Variants in WASF3 observed in about 807,000 individuals in gnomAD.
WASF3 encodes the protein actin-binding protein WASF3.
WASF3 carries 11 observed loss-of-function variants against 46.6 expected under a neutral mutation model. The ratio of observed to expected loss-of-function variants is 0.24; its 90% CI spans 0.15 to 0.39. WASF3 has a LOEUF of 0.39. Ranked by LOEUF, WASF3 falls within the 10% of genes least tolerant of loss-of-function variation. The probability of loss-of-function intolerance (pLI) is 1.00; values close to 1 mark genes in which losing one functional copy is unlikely to be tolerated. For missense variants in WASF3, 576 were observed against 669.8 expected, an observed-to-expected ratio of 0.86 and a Z score of 1.55; for synonymous variants, 242 against 259.7, an observed-to-expected ratio of 0.93 and a Z score of 0.65.
intron 2 of WASF3, among the ~76,000 whole-genome samples, chr13:26,627,000 A>C (rs1488605852): frequency 6.6e-6 from 1 of 151,024 alleles, no homozygotes; most frequent in African/African-American, 2.5e-5. Context: ...TAAATGCTGA[A>C]TAGAGTATAA....
At chr13:26,655,807 AC>A (rs1180882556) in intron 3 of WASF3, among the ~76,000 whole-genome samples, 2 of 151,950 alleles carry the variant, frequency 1.3e-5, no homozygotes, top group Non-Finnish European at 2.9e-5. Context: ...ACGTTTTTCC[AC>A]ATTTGGCTGG....
chr13:26,576,628 T>G (rs1301014411), intron 1 of WASF3, among the ~76,000 whole-genome samples: 1 of 152,200 alleles, frequency 6.6e-6, no homozygotes, highest in Non-Finnish European at 1.5e-5. Flanking sequence ...TCAAAAAAGG[T>G]CTAAGTCAGT....
intron 1 of WASF3, among the ~76,000 whole-genome samples, chr13:26,606,321 C>CGTGTGTGTGTGTGT (rs60865367): frequency 1.1e-4 from 14 of 132,054 alleles, no homozygotes; most frequent in South Asian, 8.1e-4. Context: ...TCTTTTTTTT[C>CGTGTGTGTGTGTGT]GTGTGTGTGT....
intron 6 of WASF3, among the ~76,000 whole-genome samples, chr13:26,675,933 C>T (rs796342863): frequency 2.2e-4 from 34 of 152,238 alleles, no homozygotes; most frequent in African/African-American, 7.5e-4. Context: ...TAACTTCTCA[C>T]GTTTCAAGAA....
chr13:26,552,227 G>A, the WASF3 span, among the ~76,000 whole-genome samples: 1 of 152,138 alleles, frequency 6.6e-6, no homozygotes, highest in African/African-American at 2.4e-5. Context: ...TATAAAATGG[G>A]CAACAGACCA....
intron 5 of WASF3, among the ~76,000 whole-genome samples, chr13:26,669,206 C>CTTTTTTTTTTTTTTTTTTTTTTTTTT (rs71080286): frequency 4.6e-5 from 3 of 65,320 alleles, no homozygotes; most frequent in Non-Finnish European, 5.7e-5. Context: ...ATATCTTTGA[C>CTTTTTTTTTTTTTTTTTTTTTTTTTT]TTTTTTTTTT....
Position 26,687,767 on chromosome 13 carries a change from G to A in WASF3, c.*1922G>A, listed in dbSNP as rs931296596. On this transcript the variant is annotated 3_prime_UTR_variant, in exon 10 of 10. Transcript: ENST00000335327. ...TTGTTAAAAAGGGCCTACTACATTGGCGCTATTCTTAGGACTTCTGCAACT... is the reference window on the plus strand; with the variant it reads ...TTGTTAAAAAGGGCCTACTACATTGACGCTATTCTTAGGACTTCTGCAACT... 6.8e-6 allele frequency: 1 copy of A among 147,498 alleles called. No homozygotes were observed. Among genetic ancestry groups the A allele is most frequent in the African/African-American group, 2.5e-5 (1 of 40,016 alleles). The allele number at this position is 147,498 out of a possible 1,614,324, so 9.1% of individuals were successfully genotyped here. A position where few individuals can be genotyped will look rare whatever the true frequency, so the allele number is the denominator to read the frequency against.
chr13:26,586,823 A>C (rs555986408), intron 1 of WASF3, among the ~76,000 whole-genome samples: 1 of 152,296 alleles, frequency 6.6e-6, no homozygotes, highest in East Asian at 1.9e-4. Context: ...AGGTGCTTTT[A>C]AGAGAGTTAT....
chr13:26,680,626 T>C (rs1297972954), intron 7 of WASF3, among the ~76,000 whole-genome samples: 2 of 152,260 alleles, frequency 1.3e-5, no homozygotes, highest in South Asian at 4.1e-4. Flanking sequence ...ACTGTTAATA[T>C]TTATCCAGTT....
intron 1 of WASF3, among the ~76,000 whole-genome samples, chr13:26,562,105 A>G (rs191450907): frequency 1.3e-5 from 2 of 152,296 alleles, no homozygotes; most frequent in Non-Finnish European, 2.9e-5. Flanking sequence ...TGAACAGAGA[A>G]AGTTTTGGAA....
At chr13:26,551,351 G>T in the WASF3 span, among the ~76,000 whole-genome samples, 1 of 152,136 alleles carries the variant, frequency 6.6e-6, no homozygotes, top group Non-Finnish European at 1.5e-5. Context: ...CCTGTTCTCC[G>T]CATGCTCACC....
At chr13:26,667,021 A>G (rs2137470622) in intron 4 of WASF3, among the ~76,000 whole-genome samples, 1 of 152,326 alleles carries the variant, frequency 6.6e-6, no homozygotes, top group South Asian at 2.1e-4. Flanking sequence ...GGGACTAGAT[A>G]CATGTTGAAA....
intron 3 of WASF3, among the ~76,000 whole-genome samples, chr13:26,659,625 G>A (rs976356130): frequency 5.9e-5 from 9 of 152,124 alleles, no homozygotes; most frequent in Non-Finnish European, 8.8e-5. Context: ...TAGGGAGGTC[G>A]AGGTGAGTGG....
chr13:26,540,739 G>C, the WASF3 span, among the ~76,000 whole-genome samples: 1 of 152,118 alleles, frequency 6.6e-6, no homozygotes, highest in African/African-American at 2.4e-5. Flanking sequence ...TTTCTTCCTT[G>C]GTTCAGACCC....
chr13:26,675,171 C>T (rs1469891733), intron 6 of WASF3, among the ~76,000 whole-genome samples: 1 of 152,094 alleles, frequency 6.6e-6, no homozygotes, highest in Non-Finnish European at 1.5e-5. Flanking sequence ...GAGATCTTCT[C>T]CAATGCCTTC....
intron 1 of WASF3, among the ~76,000 whole-genome samples, chr13:26,590,091 C>T (rs1880245098): frequency 1.3e-5 from 2 of 152,156 alleles, no homozygotes; most frequent in African/African-American, 4.8e-5. Context: ...AACAGTATTT[C>T]TCATTAATAT....
In WASF3 at chr13:26,666,866, C is replaced by CAAAAA. The variant is rs1168774717; in HGVS notation, c.269-631_269-627dup. On this transcript the variant is annotated intron_variant, in intron 4 of 9. Transcript: ENST00000335327. ...CCTGGGTTACAGAGCAAGACTGTCTCAAAAAAAAAAAAAAAAAAAAAAAAG... is the reference window on the plus strand; with the variant it reads ...CCTGGGTTACAGAGCAAGACTGTCTCAAAAAAAAAAAAAAAAAAAAAAAAAAAAAG... Among the ~76,000 whole-genome samples, 103 of 62,742 alleles carry CAAAAA rather than the reference C, an allele frequency of 1.6e-3. 1 individual carries two copies. Among genetic ancestry groups the CAAAAA allele is most frequent in the Middle Eastern group, 0.011 (1 of 92 alleles). 41.2% of individuals were successfully genotyped at this position (62,742 alleles called of 152,430 possible).
At chr13:26,558,520 C>G (rs1879178568) in intron 1 of WASF3, among the ~76,000 whole-genome samples, 1 of 152,062 alleles carries the variant, frequency 6.6e-6, no homozygotes, top group Admixed American at 6.5e-5. Context: ...GGGTCTTTAC[C>G]CGCGCGCCTG....
chr13:26,632,676 G>A (rs1025476219), intron 2 of WASF3, among the ~76,000 whole-genome samples: 5 of 152,184 alleles, frequency 3.3e-5, no homozygotes, highest in African/African-American at 1.2e-4. Context: ...TCACGATGAT[G>A]CTGGCCCCAT....
Sources: gnomAD v4.1 joint callset for allele counts (sites outside exome capture counted in the v4.1 genomes callset) on GRCh38, gnomAD v4.1.1 for gene constraint, MANE v1.5 for transcripts, NCBI Gene and HGNC (gene_info 2026-07-23, HGNC 2026-07-21) for gene names.